Variants in VTI1A observed in about 807,000 individuals in gnomAD.
VTI1A encodes vesicle transport through interaction with t-SNAREs 1A, also known as vesicle transport through interaction with t-SNAREs homolog 1A.
VTI1A carries 22 observed loss-of-function variants against 34.9 expected under a neutral mutation model. The ratio of observed to expected loss-of-function variants is 0.63; its 90% CI spans 0.45 to 0.90. The LOEUF (loss-of-function observed/expected upper bound fraction) is 0.90, where lower values mean the gene tolerates loss of function less well. Ranked by LOEUF, VTI1A falls within the 40% of genes least tolerant of loss-of-function variation. The probability of loss-of-function intolerance (pLI) is 0.00; values close to 1 mark genes in which losing one functional copy is unlikely to be tolerated. For synonymous variants in VTI1A, 87 were observed against 97.3 expected (o/e 0.89, Z 0.62); for missense variants, 268 against 275.6 (o/e 0.97, Z 0.20).
intron 5 of VTI1A, among the ~76,000 whole-genome samples, chr10:112,610,285 G>T (rs1166187074): frequency 6.6e-6 from 1 of 151,748 alleles, no homozygotes; most frequent in Admixed American, 6.6e-5. Flanking sequence ...GAGCTTCAAA[G>T]AAGCCAATGA....
At chr10:112,628,441 A>G (rs1321002165) in intron 5 of VTI1A, among the ~76,000 whole-genome samples, 3 of 152,246 alleles carry the variant, frequency 2.0e-5, no homozygotes, top group Non-Finnish European at 4.4e-5. Flanking sequence ...GCAAACATGT[A>G]TAATAATCAT....
chr10:112,707,153 G>A (rs147591404), intron 7 of VTI1A, among the ~76,000 whole-genome samples: 93 of 152,104 alleles, frequency 6.1e-4, no homozygotes, highest in African/African-American at 2.2e-3. Flanking sequence ...TTTGTGGCGC[G>A]GGGAGGGGTT....
chr10:112,721,292 C>T (rs1471156712), intron 7 of VTI1A, among the ~76,000 whole-genome samples: 1 of 152,202 alleles, frequency 6.6e-6, no homozygotes, highest in Non-Finnish European at 1.5e-5. Context: ...TCAAGGAGCA[C>T]TCACTTACCA....
intron 3 of VTI1A, among the ~76,000 whole-genome samples, chr10:112,520,099 A>C (rs1344660856): frequency 2.6e-5 from 4 of 151,726 alleles, no homozygotes; most frequent in Non-Finnish European, 5.9e-5. Context: ...AAAATAATAA[A>C]CATTTTGATA....
downstream of VTI1A, chr10:112,818,806 C>G (rs1853596341): frequency 7.1e-6 from 1 of 141,168 alleles, no homozygotes. Flanking sequence ...CATGTGGTAC[C>G]CCAAGCAGCC....
In VTI1A at chr10:112,538,217, AT is replaced by A. The variant is rs376037382; in HGVS notation, c.343-20del. ...AAAGAACATTGTAGACGGCCGTCTGATTTTTTTTTCCCCCTTTTTCTTTTTC... is the reference window on the plus strand; with the variant it reads ...AAAGAACATTGTAGACGGCCGTCTGATTTTTTTTCCCCCTTTTTCTTTTTC... On this transcript the variant is annotated intron_variant, in intron 4 of 7. Coordinates refer to ENST00000393077, the MANE Select transcript of VTI1A (RefSeq NM_145206.4). The A allele has an allele frequency of 1.2e-3, 1,886 of 1,565,568 alleles. 20 individuals are homozygous for A. In the African/African-American group the frequency reaches 0.018, roughly 15 times the overall value.
intron 7 of VTI1A, among the ~76,000 whole-genome samples, chr10:112,681,572 CTCTAAAATT>C: frequency 6.6e-6 from 1 of 152,190 alleles, no homozygotes; most frequent in Admixed American, 6.5e-5. Flanking sequence ...TTATGATGAA[CTCTAAAATT>C]TTAAGTAAGG....
At chr10:112,612,283 G>A (rs1394826182) in intron 5 of VTI1A, among the ~76,000 whole-genome samples, 1 of 152,148 alleles carries the variant, frequency 6.6e-6, no homozygotes. Flanking sequence ...AAGATTGGTA[G>A]AAACTAGAAC....
intron 7 of VTI1A, among the ~76,000 whole-genome samples, chr10:112,753,274 A>T (rs905608976): frequency 7.3e-6 from 1 of 136,858 alleles, no homozygotes; most frequent in African/African-American, 3.5e-5. Context: ...TTTTAAATAT[A>T]ATAATAATAA....
chr10:112,563,571 TTG>T (rs746326865), intron 5 of VTI1A, among the ~76,000 whole-genome samples: 5 of 152,190 alleles, frequency 3.3e-5, no homozygotes, highest in African/African-American at 7.2e-5. Flanking sequence ...ACCATTCGAC[TTG>T]CGAGCCTAAA....
upstream of VTI1A, chr10:112,447,129 T>C: frequency 3.8e-6 from 2 of 520,220 alleles, no homozygotes; most frequent in Admixed American, 3.1e-5. Flanking sequence ...TGGGGCGCTT[T>C]TCCTTTGCGA....
intron 7 of VTI1A, among the ~76,000 whole-genome samples, chr10:112,724,920 T>A (rs1332718311): frequency 6.9e-6 from 1 of 144,764 alleles, no homozygotes; most frequent in Non-Finnish European, 1.5e-5. Context: ...TCTTGTTTTA[T>A]CCTTCTCTCC....
At chr10:112,499,834 A>C (rs1849161893) in intron 3 of VTI1A, among the ~76,000 whole-genome samples, 1 of 152,034 alleles carries the variant, frequency 6.6e-6, no homozygotes, top group Admixed American at 6.6e-5. Flanking sequence ...CCTCTAGAAT[A>C]TCTCTCCCTC....
chr10:112,826,981 C>T, the VTI1A span: 4 of 152,152 alleles, frequency 2.6e-5, no homozygotes, highest in Non-Finnish European at 5.9e-5. Context: ...ATTTCATACT[C>T]GATAGTGTCA....
intron 7 of VTI1A, among the ~76,000 whole-genome samples, chr10:112,693,254 A>G (rs1848665595): frequency 6.6e-6 from 1 of 152,238 alleles, no homozygotes; most frequent in African/African-American, 2.4e-5. Flanking sequence ...TTCTTTAAAA[A>G]TAACTTAACT....
chr10:112,656,361 A>G (rs1027089380), intron 5 of VTI1A, among the ~76,000 whole-genome samples: 3 of 143,464 alleles, frequency 2.1e-5, no homozygotes, highest in African/African-American at 7.7e-5. Context: ...AAACTGACTT[A>G]TCTCTTTGAA....
intron 7 of VTI1A, among the ~76,000 whole-genome samples, chr10:112,685,178 C>A (rs1848361027): frequency 6.6e-6 from 1 of 152,168 alleles, no homozygotes; most frequent in Non-Finnish European, 1.5e-5. Context: ...TCTGCAAATT[C>A]AAGTCTTCCC....
intron 7 of VTI1A, among the ~76,000 whole-genome samples, chr10:112,741,559 A>AAAT (rs1850696434): frequency 6.6e-6 from 1 of 152,224 alleles, no homozygotes; most frequent in African/African-American, 2.4e-5. Flanking sequence ...AAAAATTCTT[A>AAAT]AATTTTACCC....
At chr10:112,847,019 A>C in the VTI1A span, among the ~76,000 whole-genome samples, 3 of 152,178 alleles carry the variant, frequency 2.0e-5, no homozygotes, top group African/African-American at 7.2e-5. Context: ...ATAAGCCTGT[A>C]TTGTATTAAG....
Sources: allele counts gnomAD v4.1 joint callset (sites outside exome capture counted in the v4.1 genomes callset), GRCh38; gene constraint gnomAD v4.1.1; transcripts MANE v1.5; gene names NCBI Gene and HGNC (gene_info 2026-07-23, HGNC 2026-07-21).